Variants in NAP1L1 observed in about 807,000 individuals in gnomAD.
NAP1L1 encodes nucleosome assembly protein 1 like 1.
A neutral mutation model predicts 58.9 loss-of-function variants in NAP1L1; 9 were observed. The observed-to-expected ratio is 0.15, with a 90% CI of 0.09 to 0.27. The LOEUF (loss-of-function observed/expected upper bound fraction) is 0.27, where lower values mean the gene tolerates loss of function less well. Ranked by LOEUF, NAP1L1 falls within the 10% of genes least tolerant of loss-of-function variation. The probability of loss-of-function intolerance (pLI) is 1.00; values close to 1 mark genes in which losing one functional copy is unlikely to be tolerated. For synonymous variants in NAP1L1, 130 were observed against 138.3 expected (o/e 0.94, Z 0.42); for missense variants, 302 against 458.8 (o/e 0.66, Z 3.12).
intron 4 of NAP1L1, among the ~76,000 whole-genome samples, chr12:76,063,880 T>TAAAAA (rs1565731990): frequency 1.2e-4 from 7 of 56,512 alleles, no homozygotes; most frequent in African/African-American, 3.5e-4. Context: ...GGTTAAAAGT[T>TAAAAA]TAAAAAAAAA....
chr12:76,076,883 A>T (rs1011413464), intron 1 of NAP1L1, among the ~76,000 whole-genome samples: 1 of 152,140 alleles, frequency 6.6e-6, no homozygotes, highest in African/African-American at 2.4e-5. Context: ...ACACCTATAC[A>T]GCATGTGACT....
chr12:76,067,327 C>T (rs1390171150), intron 4 of NAP1L1, 44 bp downstream of exon 4: 12 of 1,442,426 alleles, frequency 8.3e-6, no homozygotes, highest in South Asian at 3.6e-5. Context: ...ACGCCTGCAA[C>T]GTTGATTATA....
In NAP1L1 at chr12:76,045,520, T is replaced by C. The variant is rs917310763; in HGVS notation, c.*2909A>G. 11 of 152,092 alleles carry C rather than the reference T, an allele frequency of 7.2e-5. No homozygotes were observed. Among genetic ancestry groups the C allele is most frequent in the Admixed American group, 5.9e-4 (9 of 15,282 alleles). 9.4% of individuals were successfully genotyped at this position (152,092 alleles called of 1,614,324 possible). A position where few individuals can be genotyped will look rare whatever the true frequency, so the allele number is the denominator to read the frequency against. On this transcript the variant is annotated 3_prime_UTR_variant, in exon 15 of 15. Coordinates refer to ENST00000618691, the MANE Select transcript of NAP1L1 (RefSeq NM_004537.7). ...AAAAATATTTTTATGAAAGTTAATA[T>C]ATCCTTTCCTGATTAAGTGTGCTAA...
chr12:76,077,546 C>A (rs1950224966), intron 1 of NAP1L1, among the ~76,000 whole-genome samples: 1 of 152,098 alleles, frequency 6.6e-6, no homozygotes, highest in Non-Finnish European at 1.5e-5. Context: ...TAGGTTAATA[C>A]CTGTATTAAT....
chr12:76,057,821 A>C (rs765900964), intron 6 of NAP1L1: 1 of 1,545,042 alleles, frequency 6.5e-7, no homozygotes, highest in South Asian at 1.2e-5. Flanking sequence ...GAGAAGAAAA[A>C]ACAGAAGAGA....
rs933979207 is a variant in NAP1L1 at position 76,043,273 on chromosome 12, A to G, written c.*5156T>C. On this transcript the variant is annotated 3_prime_UTR_variant, in exon 15 of 15. Coordinates refer to ENST00000618691, the MANE Select transcript of NAP1L1 (RefSeq NM_004537.7). Reference sequence around the variant, plus strand: ...GCCAGGTGCAGTGGCTAACGTCTGTAATCCCAGCACTTTGGGAGACCAAGA... The same window carrying G: ...GCCAGGTGCAGTGGCTAACGTCTGTGATCCCAGCACTTTGGGAGACCAAGA... The G allele has an allele frequency of 3.3e-5, 5 of 152,190 alleles. No homozygotes were observed. Among genetic ancestry groups the G allele is most frequent in the Non-Finnish European group, 5.9e-5 (4 of 68,048 alleles). 9.4% of individuals were successfully genotyped at this position (152,190 alleles called of 1,614,324 possible).
Position 76,050,561 on chromosome 12 carries a change from A to C in NAP1L1, c.1029T>G (p.Thr343=), listed in dbSNP as rs766330334. Residue 343 remains threonine, a synonymous_variant, in exon 12 of 15, where the codon ACT becomes ACG. Coordinates refer to ENST00000618691, the MANE Select transcript of NAP1L1 (RefSeq NM_004537.7). The part of the protein sequence containing the change: ...RIIPRSVLYF[T]GEAIEDDDDD... ...CATCATCATCTTCAATAGCTTCTCC[A>C]GTAAAATATAACACTGATCTTGGGA... The C allele has an allele frequency of 2.4e-5, 39 of 1,608,780 alleles. No homozygotes were observed. The highest frequency in any genetic ancestry group is 3.3e-5 in the Non-Finnish European group (39 of 1,178,848).
At chr12:76,056,596 G>C (rs189202110) in intron 6 of NAP1L1, 67 of 455,616 alleles carry the variant, frequency 1.5e-4, no homozygotes, top group Non-Finnish European at 2.2e-5. Flanking sequence ...GTGTGTCACA[G>C]CTCTGCCATT....
chr12:76,072,603 G>A (rs919560319), intron 2 of NAP1L1, among the ~76,000 whole-genome samples: 7 of 152,116 alleles, frequency 4.6e-5, no homozygotes, highest in African/African-American at 1.4e-4. Context: ...GTAACATTAA[G>A]AGAAAAAAAT....
chr12:76,057,902 A>C, intron 6 of NAP1L1: 1 of 1,274,918 alleles, frequency 7.8e-7, no homozygotes, highest in Non-Finnish European at 1.1e-6. Context: ...CAAAATTCCC[A>C]GAGCAAAGAA....
chr12:76,048,117 G>GT lies in NAP1L1; in HGVS notation c.*311dup. 2 of 307,362 alleles carry GT rather than the reference G, an allele frequency of 6.5e-6. No homozygotes were observed. Among genetic ancestry groups the GT allele is most frequent in the Non-Finnish European group, 1.2e-5 (2 of 168,868 alleles). The allele number at this position is 307,362 out of a possible 1,614,324, so 19.0% of individuals were successfully genotyped here. A position where few individuals can be genotyped will look rare whatever the true frequency, so the allele number is the denominator to read the frequency against. ...AAAAAATTACAAAAAAAAAAAAAAGGTATTTCCTTTAACAGTTGTTAATTT... is the reference window on the plus strand; with the variant it reads ...AAAAAATTACAAAAAAAAAAAAAAGGTTATTTCCTTTAACAGTTGTTAATTT... On this transcript the variant is annotated 3_prime_UTR_variant, in exon 15 of 15. Coordinates refer to ENST00000618691, the MANE Select transcript of NAP1L1 (RefSeq NM_004537.7).
At position 76,054,231 on chromosome 12, in the gene NAP1L1, C is replaced by T. The variant is rs562268483; in HGVS notation, c.631-322G>A. Among the ~76,000 whole-genome samples the T allele has an allele frequency of 5.4e-4, 82 of 152,014 alleles. 1 individual carries two copies. The highest frequency in any genetic ancestry group is 1.9e-3 in the African/African-American group (77 of 41,486). ...TTTTAGTACAGACAGTGTTTCACCA[C>T]GTTGGACAGGCTGGTATTGACCTCC... On this transcript the variant is annotated intron_variant, in intron 8 of 14. Transcript: ENST00000618691.
intron 1 of NAP1L1, among the ~76,000 whole-genome samples, chr12:76,075,213 G>T (rs1190600558): frequency 6.6e-6 from 1 of 151,886 alleles, no homozygotes; most frequent in Admixed American, 6.6e-5. Flanking sequence ...AATCCCAGCT[G>T]CCCAAGAGCC....
chr12:76,070,880 A>G (rs193160297), intron 2 of NAP1L1, among the ~76,000 whole-genome samples: 1 of 152,326 alleles, frequency 6.6e-6, no homozygotes, highest in East Asian at 1.9e-4. Context: ...AAATAGTTGT[A>G]TTATGCTGGG....
intron 4 of NAP1L1, among the ~76,000 whole-genome samples, chr12:76,065,153 T>A (rs971663872): frequency 3.9e-5 from 6 of 152,022 alleles, no homozygotes; most frequent in African/African-American, 1.4e-4. Flanking sequence ...GCTAGTTTGA[T>A]ATCCAAAATA....
At chr12:76,063,777 A>G (rs1461637285) in intron 4 of NAP1L1, among the ~76,000 whole-genome samples, 2 of 152,054 alleles carry the variant, frequency 1.3e-5, no homozygotes, top group East Asian at 1.9e-4. Context: ...CCTGGATGAC[A>G]AAGCGAGACA....
rs2136936557 is a variant in NAP1L1 at position 76,044,153 on chromosome 12, T to C, written c.*4276A>G. 1 of 152,030 alleles carries C rather than the reference T, an allele frequency of 6.6e-6. No homozygotes were observed. Among genetic ancestry groups the C allele is most frequent in the East Asian group, 1.9e-4 (1 of 5,162 alleles). The allele number at this position is 152,030 out of a possible 1,614,324, so 9.4% of individuals were successfully genotyped here. On this transcript the variant is annotated 3_prime_UTR_variant, in exon 15 of 15. Coordinates refer to ENST00000618691, the MANE Select transcript of NAP1L1 (RefSeq NM_004537.7). The stretch of plus-strand genomic sequence containing the variant: ...CCCATCTCTACTAAAAGTACAAAAA[T>C]CAGCTGGGCTCAGTGGCACACGCCT...
At chr12:76,053,139 G>A in intron 10 of NAP1L1, 29 bp from the exon 11 acceptor site, 1 of 1,612,316 alleles carries the variant, frequency 6.2e-7, no homozygotes, top group South Asian at 1.1e-5. Context: ...AAATTACAAT[G>A]AATAAGAAGC....
At chr12:76,073,538 G>A (rs537456373) in intron 2 of NAP1L1, among the ~76,000 whole-genome samples, 45 of 152,282 alleles carry the variant, frequency 3.0e-4, no homozygotes, top group African/African-American at 1.0e-3. Flanking sequence ...GCCAGACTAT[G>A]ACCCAGATAG....
Sources: allele counts gnomAD v4.1 joint callset (sites outside exome capture counted in the v4.1 genomes callset), GRCh38; gene constraint gnomAD v4.1.1; transcripts MANE v1.5; gene names NCBI Gene and HGNC (gene_info 2026-07-23, HGNC 2026-07-21).